ZXDC: variants seen among roughly 807,000 people sequenced by gnomAD.
ZXDC encodes zinc finger protein ZXDC.
ZXDC carries 58 observed loss-of-function variants against 63.6 expected under a neutral mutation model. The observed-to-expected ratio is 0.91, with a 90% CI of 0.74 to 1.13. The LOEUF (loss-of-function observed/expected upper bound fraction) is 1.13, where lower values mean the gene tolerates loss of function less well. Among genes scored for constraint, ZXDC ranks in the 50% most tolerant of loss-of-function variants. The pLI is 0.00. For missense variants in ZXDC, 1,133 were observed against 1,148.9 expected, an observed-to-expected ratio of 0.99 and a Z score of 0.20; for synonymous variants, 561 against 496.1, an observed-to-expected ratio of 1.13 and a Z score of -1.74.
intron 7 of ZXDC, chr3:126,454,200 CAT>C: frequency 1.0e-6 from 1 of 982,636 alleles, no homozygotes; most frequent in Non-Finnish European, 1.2e-6. Flanking sequence ...AAATATCTTT[CAT>C]ATGCTTATTT....
In ZXDC at chr3:126,475,602, G is replaced by C. The variant is rs760071631; in HGVS notation, c.264C>G (p.Ala88=). The C allele has an allele frequency of 4.1e-6, 6 of 1,469,532 alleles. No individual in the cohort carries two copies. Among genetic ancestry groups the C allele is most frequent in the Admixed American group, 2.1e-5 (1 of 47,818 alleles). 91.0% of individuals were successfully genotyped at this position (1,469,532 alleles called of 1,614,324 possible). ...CGGCCTCCTGTGATCCGGCAGCCTC[G>C]GCGGCAGCGCCGCCGTGCGGCACTT... ...LLEVPHGGAA[A]EAAGSQEAEP... Residue 88 remains alanine, a synonymous_variant, in exon 1 of 10, where the codon GCC becomes GCG. Coordinates refer to ENST00000389709, the MANE Select transcript of ZXDC (RefSeq NM_025112.5).
chr3:126,472,132 G>A, intron 2 of ZXDC, 21 bp downstream of exon 2: 2 of 1,609,036 alleles, frequency 1.2e-6, no homozygotes, highest in Non-Finnish European at 8.5e-7. Context: ...TCCAAATGCT[G>A]TGCGTTCCCT....
At chr3:126,471,700 T>TA (rs1193386640) in intron 3 of ZXDC, among the ~76,000 whole-genome samples, 83 of 146,894 alleles carry the variant, frequency 5.7e-4, no homozygotes, top group South Asian at 3.7e-3. Flanking sequence ...AATGTTAAGT[T>TA]AAAAAAAAAA....
chr3:126,451,507 C>T (rs999859714), intron 7 of ZXDC: 3 of 985,266 alleles, frequency 3.0e-6, no homozygotes, highest in Non-Finnish European at 3.6e-6. Context: ...TTTTTTGGCT[C>T]CTGAACACAT....
intron 5 of ZXDC, among the ~76,000 whole-genome samples, chr3:126,463,983 C>T (rs753280260): frequency 6.6e-6 from 1 of 152,068 alleles, no homozygotes; most frequent in Non-Finnish European, 1.5e-5. Flanking sequence ...ACCAATGAAG[C>T]ATTTTGAAAG....
chr3:126,453,456 G>A (rs533830871), intron 7 of ZXDC: 1 of 985,418 alleles, frequency 1.0e-6, no homozygotes, highest in South Asian at 4.7e-5. Context: ...GCACAAACTT[G>A]CATTTAGTTT....
At chr3:126,468,985 C>A (rs1934878678) in intron 4 of ZXDC, among the ~76,000 whole-genome samples, 1 of 152,254 alleles carries the variant, frequency 6.6e-6, no homozygotes, top group Admixed American at 6.5e-5. Flanking sequence ...ACAACAACGA[C>A]AGTAACTGAC....
At chr3:126,455,072 A>G in intron 7 of ZXDC, 1 of 985,432 alleles carries the variant, frequency 1.0e-6, no homozygotes, top group Non-Finnish European at 1.2e-6. Flanking sequence ...GTCCTGTTAC[A>G]CTGCAACTGC....
Position 126,466,182 on chromosome 3 carries a change from T to C in ZXDC, c.1414A>G (p.Met472Val), listed in dbSNP as rs750723904. 17 of 1,614,164 alleles carry C rather than the reference T, an allele frequency of 1.1e-5. No individual in the cohort carries two copies. Among genetic ancestry groups the C allele is most frequent in the South Asian group, 1.1e-5 (1 of 91,086 alleles). ...FTSKHSMKAH[M>V]VRQHSRRQDL... is the part of the protein sequence containing the mutation. ...TGGCGCCGGCTGTGCTGTCTGACCATGTGCGCCTTCATGCTGTGCTTGGAG... is the reference window on the plus strand; with the variant it reads ...TGGCGCCGGCTGTGCTGTCTGACCACGTGCGCCTTCATGCTGTGCTTGGAG... The change falls in exon 5 of 10, where the codon ATG (methionine) becomes GTG (valine). Residue 472 changes from methionine to valine, a missense_variant. Transcript: ENST00000389709.
In ZXDC at chr3:126,473,881, C is replaced by T. The variant is rs1935074893; in HGVS notation, c.907+1078G>A. On this transcript the variant is annotated intron_variant, in intron 1 of 9. Transcript: ENST00000389709. ...GACCACAATCCCCACCTGGGCTCTG[C>T]CACCCAGCCGACTCCATTCTTCTGC... Among the ~76,000 whole-genome samples, 4 of 152,238 alleles carry T rather than the reference C, an allele frequency of 2.6e-5. No individual in the cohort carries two copies. In the South Asian group the frequency reaches 8.3e-4, roughly 32 times the overall value.
chr3:126,475,780 G>C lies in ZXDC; in HGVS notation c.86C>G (p.Ala29Gly). ...GCGCGCGGGGCTCGCGCCGAGCGGC[G>C]CTGGGGCTCGGCGGAGCGGGCCGGG... ...GGPGPLRRAP[A>G]PLGASPARRR... Residue 29 changes from alanine to glycine, a missense_variant, in exon 1 of 10, where the codon GCG (alanine) becomes GGG (glycine). By Grantham distance (60) the Ala-to-Gly change is moderately conservative (BLOSUM62 0). Transcript: ENST00000389709. 8.9e-7 allele frequency: 1 copy of C among 1,124,160 alleles called. No homozygotes were observed. The highest frequency in any genetic ancestry group is 1.1e-6 in the Non-Finnish European group (1 of 920,538). The allele number at this position is 1,124,160 out of a possible 1,614,324, so 69.6% of individuals were successfully genotyped here.
At chr3:126,449,447 A>G (rs1934010488) in intron 7 of ZXDC, among the ~76,000 whole-genome samples, 2 of 152,176 alleles carry the variant, frequency 1.3e-5, no homozygotes, top group African/African-American at 4.8e-5. Context: ...GCCAGGTCCC[A>G]TCACTTTCCC....
intron 7 of ZXDC, chr3:126,452,373 C>CGTCT: frequency 8.1e-6 from 8 of 985,420 alleles, no homozygotes; most frequent in Non-Finnish European, 9.6e-6. Context: ...CTTCATCCCA[C>CGTCT]GTCTGTCAGC....
At chr3:126,459,841 C>A in intron 6 of ZXDC, 104 bp from the exon 7 acceptor site, 1 of 1,587,152 alleles carries the variant, frequency 6.3e-7, no homozygotes. Context: ...CATATCCGAG[C>A]TCCCAAAACC....
In ZXDC at chr3:126,461,568, T is replaced by C. The variant is rs1934538009; in HGVS notation, c.2094A>G (p.Thr698=). Residue 698 remains threonine, a synonymous_variant, in exon 6 of 10, where the codon ACA becomes ACG. Coordinates refer to ENST00000389709, the MANE Select transcript of ZXDC (RefSeq NM_025112.5). Reference sequence around the variant, plus strand: ...AGTTGCCAGTGCCTGCACTGAGCTCTGTGTCCTGGGCACCGTGCTGCTCTG... The same window carrying C: ...AGTTGCCAGTGCCTGCACTGAGCTCCGTGTCCTGGGCACCGTGCTGCTCTG... ...SPAEQHGAQD[T]ELSAGTGNFY... is the part of the protein sequence containing the mutation. 1 of 1,613,744 alleles carries C rather than the reference T, an allele frequency of 6.2e-7. No homozygotes were observed. Among genetic ancestry groups the C allele is most frequent in the Non-Finnish European group, 8.5e-7 (1 of 1,179,772 alleles).
At chr3:126,458,844 G>C in intron 7 of ZXDC, 1 of 985,394 alleles carries the variant, frequency 1.0e-6, no homozygotes, top group Non-Finnish European at 1.2e-6. Context: ...CCCTTCCTAA[G>C]TCACAATTCA....
chr3:126,454,084 C>G (rs1226414417), intron 7 of ZXDC: 1 of 889,926 alleles, frequency 1.1e-6, no homozygotes, highest in Non-Finnish European at 1.3e-6. Context: ...TTGGTAAAGA[C>G]TTTTGTATAG....
At chr3:126,463,096 T>A (rs1934621174) in intron 5 of ZXDC, among the ~76,000 whole-genome samples, 1 of 150,540 alleles carries the variant, frequency 6.6e-6, no homozygotes, top group Admixed American at 6.6e-5. Flanking sequence ...TGAGAGGGAG[T>A]CTCGCTCTGT....
rs36059925 is a variant in ZXDC, at chr3:126,452,896, G to A, written c.2212+6757C>T. 6.0e-3 allele frequency: 2,556 copies of A among 425,088 alleles called. 12 individuals are homozygous for A. The highest frequency in any genetic ancestry group is 0.018 in the Middle Eastern group (15 of 854). The allele number at this position is 425,088 out of a possible 1,614,324, so 26.3% of individuals were successfully genotyped here. A position where few individuals can be genotyped will look rare whatever the true frequency, so the allele number is the denominator to read the frequency against. The stretch of plus-strand genomic sequence containing the variant: ...TGGGACCACAGGTGTGCACCACCAC[G>A]CGTGGCTAATTATTATTTTTTTTAC... On this transcript the variant is annotated intron_variant, in intron 7 of 9. Coordinates refer to ENST00000389709, the MANE Select transcript of ZXDC (RefSeq NM_025112.5).
Sources: allele counts gnomAD v4.1 joint callset (sites outside exome capture counted in the v4.1 genomes callset), GRCh38; gene constraint gnomAD v4.1.1; transcripts MANE v1.5; gene names NCBI Gene and HGNC (gene_info 2026-07-23, HGNC 2026-07-21).